Variants in NHSL1 observed in about 807,000 individuals in gnomAD.
The protein encoded by NHSL1 is NHS-like protein 1.
In NHSL1, 48 loss-of-function variants were observed where a neutral mutation model predicts 95.0. The observed-to-expected ratio is 0.51, with a 90% CI of 0.40 to 0.64. The LOEUF (loss-of-function observed/expected upper bound fraction) is 0.64, where lower values mean the gene tolerates loss of function less well. Ranked by LOEUF, NHSL1 falls within the 30% of genes least tolerant of loss-of-function variation. The probability of loss-of-function intolerance (pLI) is 0.00; values close to 1 mark genes in which losing one functional copy is unlikely to be tolerated. For synonymous variants in NHSL1, 783 were observed against 833.9 expected (o/e 0.94, Z 1.05); for missense variants, 1,971 against 2,077.7 (o/e 0.95, Z 1.00).
intron 1 of NHSL1, among the ~76,000 whole-genome samples, chr6:138,656,219 T>A (rs60462803): frequency 0.042 from 6,381 of 152,348 alleles, 349 homozygotes; most frequent in African/African-American, 0.13. Flanking sequence ...AGACCTCTGA[T>A]AATTTGCTTA....
chr6:138,581,361 A>T (rs920712134), intron 1 of NHSL1, among the ~76,000 whole-genome samples: 5 of 152,166 alleles, frequency 3.3e-5, no homozygotes, highest in Non-Finnish European at 7.3e-5. Flanking sequence ...GAATGAGTAG[A>T]GGCAGTTTAA....
At chr6:138,518,596 GA>G in intron 1 of NHSL1, among the ~76,000 whole-genome samples, 1 of 150,304 alleles carries the variant, frequency 6.7e-6, no homozygotes, top group East Asian at 1.9e-4. Flanking sequence ...ATTAAAGTTG[GA>G]AAAAAACAAA....
chr6:138,444,577 A>ATT (rs536970644), intron 4 of NHSL1, among the ~76,000 whole-genome samples: 13 of 139,700 alleles, frequency 9.3e-5, no homozygotes, highest in Non-Finnish European at 9.4e-5. Context: ...TGAAATCGCC[A>ATT]TTTTTTTTTT....
chr6:138,685,946 C>T (rs1438292712), intron 1 of NHSL1, among the ~76,000 whole-genome samples: 1 of 151,978 alleles, frequency 6.6e-6, no homozygotes, highest in East Asian at 1.9e-4. Context: ...ATAAGGGTAT[C>T]CACTTCATAT....
intron 3 of NHSL1, among the ~76,000 whole-genome samples, chr6:138,457,537 A>G (rs1237452979): frequency 6.6e-6 from 1 of 152,222 alleles, no homozygotes. Flanking sequence ...TAAGCACATA[A>G]TGGATTTTTA....
chr6:138,492,983 CAG>C (rs1484705482), intron 2 of NHSL1, among the ~76,000 whole-genome samples: 1 of 120,748 alleles, frequency 8.3e-6, no homozygotes, highest in Admixed American at 8.4e-5. Flanking sequence ...GCCACATATT[CAG>C]AGACTGATTT....
At chr6:138,463,321 G>A (rs1009826488) in intron 3 of NHSL1, among the ~76,000 whole-genome samples, 2 of 152,020 alleles carry the variant, frequency 1.3e-5, no homozygotes, top group African/African-American at 4.8e-5. Flanking sequence ...TCACCCAGGA[G>A]CAACTAATCC....
intron 1 of NHSL1, among the ~76,000 whole-genome samples, chr6:138,524,975 T>G (rs886265355): frequency 1.3e-5 from 2 of 152,138 alleles, no homozygotes; most frequent in African/African-American, 4.8e-5. Flanking sequence ...AAGAAAAATT[T>G]GGCTGAAAGG....
At chr6:138,515,912 T>A (rs1411045572) in intron 1 of NHSL1, among the ~76,000 whole-genome samples, 1 of 152,150 alleles carries the variant, frequency 6.6e-6, no homozygotes, top group East Asian at 1.9e-4. Context: ...ATACTGAGTG[T>A]GTGTGTCATG....
At chr6:138,453,387 C>T (rs1395659093) in intron 3 of NHSL1, among the ~76,000 whole-genome samples, 1 of 151,966 alleles carries the variant, frequency 6.6e-6, no homozygotes, top group African/African-American at 2.4e-5. Flanking sequence ...TGAGGTCTTG[C>T]CCTCTTGCCC....
At chr6:138,674,568 C>T (rs4896379) in intron 1 of NHSL1, among the ~76,000 whole-genome samples, 24,346 of 152,076 alleles carry the variant, frequency 0.16, 2,120 homozygotes, top group East Asian at 0.36. Flanking sequence ...GAACATACAG[C>T]GTTTGGTTTT....
chr6:138,620,144 T>A (rs1784635681), intron 1 of NHSL1, among the ~76,000 whole-genome samples: 1 of 152,076 alleles, frequency 6.6e-6, no homozygotes, highest in African/African-American at 2.4e-5. Context: ...ATCCTTCAGA[T>A]TTAGGTAAAG....
chr6:138,471,816 A>G (rs1778770094), intron 3 of NHSL1, among the ~76,000 whole-genome samples: 1 of 152,330 alleles, frequency 6.6e-6, no homozygotes, highest in Non-Finnish European at 1.5e-5. Context: ...ATCATTCCAT[A>G]TTGTATCAAA....
At chr6:138,438,811 A>T (rs1434327592) in intron 5 of NHSL1, among the ~76,000 whole-genome samples, 1 of 152,170 alleles carries the variant, frequency 6.6e-6, no homozygotes, top group Non-Finnish European at 1.5e-5. Flanking sequence ...TTATTAATAA[A>T]GGGATTCCTT....
intron 2 of NHSL1, among the ~76,000 whole-genome samples, chr6:138,491,571 T>C (rs1780079736): frequency 6.6e-6 from 1 of 152,190 alleles, no homozygotes; most frequent in Admixed American, 6.5e-5. Flanking sequence ...TCATGAAGGA[T>C]TCAAACAATG....
chr6:138,515,442 C>CT (rs1437629210), intron 1 of NHSL1, among the ~76,000 whole-genome samples: 1 of 152,218 alleles, frequency 6.6e-6, no homozygotes, highest in African/African-American at 2.4e-5. Flanking sequence ...ATGAAGCCTT[C>CT]TCTGACTTTT....
chr6:138,558,909 C>T (rs1053914646), intron 1 of NHSL1, among the ~76,000 whole-genome samples: 18 of 152,124 alleles, frequency 1.2e-4, no homozygotes, highest in African/African-American at 4.3e-4. Context: ...ATTAGCCAGG[C>T]ATGGCGGCAG....
In NHSL1 at chr6:138,670,952, C is replaced by G. The variant is rs192419318; in HGVS notation, c.96+21524G>C. Among the ~76,000 whole-genome samples, 223 of 151,984 alleles carry G rather than the reference C, an allele frequency of 1.5e-3. 1 individual carries two copies. The highest frequency in any genetic ancestry group is 5.0e-3 in the African/African-American group (209 of 41,442). ...GGAAGGATTGCTGAGGCCAGGAGTT[C>G]AAGACGAGCAACACAGTGAGACTCC... On this transcript the variant is annotated intron_variant, in intron 1 of 3. Coordinates refer to the NHSL1 transcript ENST00000491526.
chr6:138,502,481 A>T (rs76795550), upstream of NHSL1, among the ~76,000 whole-genome samples: 3,260 of 152,086 alleles, frequency 0.021, 45 homozygotes, highest in South Asian at 0.062. Context: ...AGTGGCGGAA[A>T]AAAAAAAAAA....
Sources: allele counts gnomAD v4.1 joint callset (sites outside exome capture counted in the v4.1 genomes callset), GRCh38; gene constraint gnomAD v4.1.1; transcripts MANE v1.5; gene names NCBI Gene and HGNC (gene_info 2026-07-23, HGNC 2026-07-21).